CCDC187: variants seen among roughly 807,000 people sequenced by gnomAD.
CCDC187 encodes coiled-coil domain-containing protein 187.
A neutral mutation model predicts 38.0 loss-of-function variants in CCDC187; 32 were observed. That is an observed-to-expected ratio of 0.84 (90% confidence interval 0.64 to 1.13). CCDC187 has a LOEUF of 1.13. Among genes scored for constraint, CCDC187 ranks in the 50% most tolerant of loss-of-function variants. The pLI is 0.00. For synonymous variants in CCDC187, 333 were observed against 347.9 expected (o/e 0.96, Z 0.48); for missense variants, 707 against 786.8 (o/e 0.90, Z 1.21).
chr9:136,293,459 T>TGCTCACACA (rs1831425664), intron 4 of CCDC187, among the ~76,000 whole-genome samples: 9 of 40,084 alleles, frequency 2.2e-4, no homozygotes, highest in Middle Eastern at 0.014. Context: ...ATGCTCACAC[T>TGCTCACACA]CACACTCACA....
At chr9:136,265,593 G>A (rs1233186268) in intron 17 of CCDC187, 1 of 152,242 alleles carries the variant, frequency 6.6e-6, no homozygotes, top group Non-Finnish European at 1.5e-5. Flanking sequence ...TTATTCTCTG[G>A]TTCCAAGGAG....
At chr9:136,288,935 C>T (rs1415202095) in intron 7 of CCDC187, among the ~76,000 whole-genome samples, 1 of 152,204 alleles carries the variant, frequency 6.6e-6, no homozygotes, top group Non-Finnish European at 1.5e-5. Context: ...GCAATTCACT[C>T]TCAGGTGTGC....
rs1554761791 is a variant in CCDC187, at chr9:136,267,306, GCGGGGC to G, written c.3647+72_3647+77del. 5.2e-5 allele frequency: 47 copies of G among 912,150 alleles called. No individual in the cohort carries two copies. The East Asian group carries it at 5.0e-3, about 97-fold the overall frequency. 56.5% of individuals were successfully genotyped at this position (912,150 alleles called of 1,614,324 possible). ...GGGACCCGGACGGGGCAGGGAGGGG[GCGGGGC>G]TACAGCAGGGCGGGGCTACAGCAGG... is the stretch of plus-strand genomic sequence containing the variant. On this transcript the variant is annotated intron_variant, in intron 16 of 25. Coordinates refer to ENST00000638797, the MANE Select transcript of CCDC187 (RefSeq NM_001378188.1).
At chr9:136,266,139 A>G (rs1830741799) in intron 16 of CCDC187, 96 bp from the exon 17 acceptor site, 1 of 671,476 alleles carries the variant, frequency 1.5e-6, no homozygotes, top group Admixed American at 6.3e-5. Flanking sequence ...GGCCACATCA[A>G]CCTGGAATGC....
At chr9:136,270,686 G>A (rs1270013610) in intron 14 of CCDC187, among the ~76,000 whole-genome samples, 2 of 152,270 alleles carry the variant, frequency 1.3e-5, no homozygotes, top group Admixed American at 1.3e-4. Flanking sequence ...GGAGCAGAGC[G>A]TTCCCTGACT....
At chr9:136,261,741 G>A (rs1252454776) in intron 19 of CCDC187, among the ~76,000 whole-genome samples, 1 of 152,224 alleles carries the variant, frequency 6.6e-6, no homozygotes, top group Non-Finnish European at 1.5e-5. Context: ...GCAGACAGGG[G>A]CCTCCAAAGG....
rs1383519176 is a variant in CCDC187 at position 136,290,179 on chromosome 9, G to A, written c.2128-126C>T. 30 of 397,722 alleles carry A rather than the reference G, an allele frequency of 7.5e-5. No individual in the cohort carries two copies. In the East Asian group the frequency reaches 1.0e-3, roughly 13 times the overall value. The allele number at this position is 397,722 out of a possible 1,614,324, so 24.6% of individuals were successfully genotyped here. On this transcript the variant is annotated intron_variant, in intron 6 of 25. Coordinates refer to ENST00000638797, the MANE Select transcript of CCDC187 (RefSeq NM_001378188.1). Reference sequence around the variant, plus strand: ...CAGGCTGCTTCCCCAGAGTCTTGCAGGAATCGGGGTCCCACTTCAGGGGCT... The same window carrying A: ...CAGGCTGCTTCCCCAGAGTCTTGCAAGAATCGGGGTCCCACTTCAGGGGCT...
chr9:136,292,873 G>C (rs1014274814), intron 4 of CCDC187, among the ~76,000 whole-genome samples: 110 of 152,316 alleles, frequency 7.2e-4, no homozygotes, highest in African/African-American at 2.6e-3. Context: ...AGGGAGTCCC[G>C]GGCATCGCTG....
chr9:136,303,071 C>T lies in CCDC187; in HGVS notation c.366G>A (p.Ser122=), dbSNP rs1780010449. 2.3e-5 allele frequency: 9 copies of T among 398,554 alleles called. No individual in the cohort carries two copies. Among genetic ancestry groups the T allele is most frequent in the South Asian group, 2.5e-4 (2 of 7,868 alleles). The allele number at this position is 398,554 out of a possible 1,614,324, so 24.7% of individuals were successfully genotyped here. ...SVSSGRLSCS[S]GGHDVCVSWK... ...AAGACACACACACGTCGTGGCCCCC[C>T]GAAGAGCACGAGAGGCGGCCCGATG... The change falls in exon 2 of 26, where the codon TCG becomes TCA. Residue 122 remains serine (S), a synonymous_variant. Transcript: ENST00000638797.
chr9:136,269,325 C>G (rs1199906082), intron 14 of CCDC187, among the ~76,000 whole-genome samples: 1 of 152,226 alleles, frequency 6.6e-6, no homozygotes, highest in Non-Finnish European at 1.5e-5. Context: ...CAAATTACTT[C>G]TAAATAACTG....
At chr9:136,256,095 G>A (rs1830608755) in intron 24 of CCDC187, 116 bp downstream of exon 24, 5 of 442,468 alleles carry the variant, frequency 1.1e-5, no homozygotes, top group Admixed American at 1.3e-4. Flanking sequence ...TGCCCCGGCA[G>A]CACAGGTGTG....
chr9:136,251,287 C>T lies in CCDC187; in HGVS notation c.*2307G>A, dbSNP rs1021288487. On this transcript the variant is annotated 3_prime_UTR_variant, in exon 26 of 26. Transcript: ENST00000638797. The stretch of plus-strand genomic sequence containing the variant: ...ATGGCACCAGGAGAAATCAGCTGCC[C>T]TGGCCTTCCAGGCACAGCAAGTCCT... 36 of 333,450 alleles carry T rather than the reference C, an allele frequency of 1.1e-4. No individual in the cohort carries two copies. Among genetic ancestry groups the T allele is most frequent in the Admixed American group, 2.8e-4 (7 of 24,688 alleles). The allele number at this position is 333,450 out of a possible 1,614,324, so 20.7% of individuals were successfully genotyped here. A position where few individuals can be genotyped will look rare whatever the true frequency, so the allele number is the denominator to read the frequency against.
At chr9:136,277,216 G>A (rs1830948198) in intron 10 of CCDC187, among the ~76,000 whole-genome samples, 1 of 147,192 alleles carries the variant, frequency 6.8e-6, no homozygotes, top group African/African-American at 2.5e-5. Context: ...AGGGTCCAAG[G>A]AGATAGTTTG....
chr9:136,254,192 G>A lies in CCDC187; in HGVS notation c.5636C>T (p.Ser1879Phe), dbSNP rs1178400984. The change falls in exon 26 of 26, where the codon TCT (serine) becomes TTT (phenylalanine). Residue 1879 changes from serine (S) to phenylalanine (F), a missense_variant. Transcript: ENST00000638797. Reference protein sequence around the residue: ...AAGVVFPLQISSAGDSDSLLV... With the variant: ...AAGVVFPLQIFSAGDSDSLLV... ...CAGTGAGTCCGAGTCACCGGCAGAAGAGATTTGCAGCGGGAACACCACACC... is the reference window on the plus strand; with the variant it reads ...CAGTGAGTCCGAGTCACCGGCAGAAAAGATTTGCAGCGGGAACACCACACC... The A allele has an allele frequency of 3.0e-6, 3 of 985,396 alleles. No individual in the cohort carries two copies. The highest frequency in any genetic ancestry group is 3.6e-6 in the Non-Finnish European group (3 of 830,000). The allele number at this position is 985,396 out of a possible 1,614,324, so 61.0% of individuals were successfully genotyped here.
intron 4 of CCDC187, among the ~76,000 whole-genome samples, chr9:136,293,920 A>G (rs1433926414): frequency 4.0e-5 from 6 of 148,824 alleles, no homozygotes; most frequent in East Asian, 3.9e-4. Flanking sequence ...ACACTCATAT[A>G]CACACTCCCT....
At chr9:136,293,943 C>T (rs1054677514) in intron 4 of CCDC187, among the ~76,000 whole-genome samples, 19 of 96,370 alleles carry the variant, frequency 2.0e-4, no homozygotes, top group East Asian at 6.1e-4. Flanking sequence ...TGCTCTCCCA[C>T]ACACACATGC....
intron 14 of CCDC187, among the ~76,000 whole-genome samples, chr9:136,271,503 A>G (rs1316044986): frequency 6.6e-6 from 1 of 152,170 alleles, no homozygotes; most frequent in Non-Finnish European, 1.5e-5. Flanking sequence ...CTTGGGCAAC[A>G]GAGCGAGACT....
intron 18 of CCDC187, 123 bp downstream of exon 18, chr9:136,263,499 G>T (rs1207971439): frequency 4.4e-6 from 3 of 678,940 alleles, no homozygotes; most frequent in Admixed American, 6.3e-5. Context: ...CTCCCAAAGT[G>T]CTGGGATTAC....
rs1554759709 is a variant in CCDC187 at position 136,252,661 on chromosome 9, A to G, written c.*933T>C. The G allele has an allele frequency of 6.4e-6, 1 of 155,862 alleles. No homozygotes were observed. Among genetic ancestry groups the G allele is most frequent in the East Asian group, 1.9e-4 (1 of 5,204 alleles). The allele number at this position is 155,862 out of a possible 1,614,324, so 9.7% of individuals were successfully genotyped here. ...TGTATGCCACACACAGCTCACAATG[A>G]CATTGTGGACGCCTGTGCACCTCTG... On this transcript the variant is annotated 3_prime_UTR_variant, in exon 26 of 26. Coordinates refer to ENST00000638797, the MANE Select transcript of CCDC187 (RefSeq NM_001378188.1).
Sources: allele counts gnomAD v4.1 joint callset (sites outside exome capture counted in the v4.1 genomes callset), GRCh38; gene constraint gnomAD v4.1.1; transcripts MANE v1.5; gene names NCBI Gene and HGNC (gene_info 2026-07-23, HGNC 2026-07-21).